Variants in TTN observed in about 807,000 individuals in gnomAD.
TTN encodes the protein connectin.
In TTN, 1,525 loss-of-function variants were observed where a neutral mutation model predicts 3,223.0. The ratio of observed to expected loss-of-function variants is 0.47; its 90% confidence interval spans 0.45 to 0.49. TTN has a LOEUF of 0.49. Ranked by LOEUF, TTN falls within the 20% of genes least tolerant of loss-of-function variation. The probability of loss-of-function intolerance (pLI) is 0.00; values close to 1 mark genes in which losing one functional copy is unlikely to be tolerated. For missense variants in TTN, 40,786 were observed against 43,424.0 expected (o/e 0.94, Z 5.40); for synonymous variants, 14,094 against 15,161.0 (o/e 0.93, Z 5.17).
chr2:178,646,054 T>G (rs766560429), intron 216 of TTN, 24 bp from the exon 217 acceptor site: 34 of 1,408,618 alleles, frequency 2.4e-5, no homozygotes, highest in Non-Finnish European at 3.2e-5. Flanking sequence ...TTCAGAGGTG[T>G]TAGTATATGT....
Position 178,570,928 on chromosome 2 carries a change from T to TA in TTN, c.75203dup (p.Thr25069AsnfsTer5). 1 of 1,613,586 alleles carries TA rather than the reference T, an allele frequency of 6.2e-7. No individual in the cohort carries two copies. Among genetic ancestry groups the TA allele is most frequent in the Non-Finnish European group, 8.5e-7 (1 of 1,179,618 alleles). On this transcript the variant is annotated frameshift_variant, in exon 326 of 363. Coordinates refer to ENST00000589042, the MANE Select transcript of TTN (RefSeq NM_001267550.2). LOFTEE classifies it high-confidence loss of function. Reference sequence around the variant, plus strand: ...ATCTGTGATCTTCAACTAGGCCAGTTACTTCAAAATGAGTGTCAATAATAT... The same window carrying TA: ...ATCTGTGATCTTCAACTAGGCCAGTTAACTTCAAAATGAGTGTCAATAATAT...
Position 178,594,134 on chromosome 2 carries a change from C to T in TTN, c.58259G>A (p.Trp19420Ter), listed in dbSNP as rs869025544. The change falls in exon 297 of 363, where the codon TGG becomes TAG. Residue 19420 changes from tryptophan to a stop codon, truncating the protein, a stop_gained. Transcript: ENST00000589042. LOFTEE classifies it high-confidence loss of function. ...CAGCACATCAGCTTCATCTTTGAAC[C>T]AGGAAACCTTAGGCTTTGGTTTGCC... The part of the protein sequence containing the change: ...YSGKPKPKVS[W>*]FKDEADVLED... 1 of 1,613,358 alleles carries T rather than the reference C, an allele frequency of 6.2e-7. No homozygotes were observed. The highest frequency in any genetic ancestry group is 8.5e-7 in the Non-Finnish European group (1 of 1,179,634).
chr2:178,528,717 T>C lies in TTN; in HGVS notation c.107034A>G (p.Ile35678Met). ...SHRDEGILTCISKTKEGIVKC... is the reference protein window; with the variant it reads ...SHRDEGILTCMSKTKEGIVKC... ...TGACGATTCCTTCCTTGGTTTTGCT[T>C]ATGCAGGTGAGGATTCCTTCATCTC... Residue 35678 changes from isoleucine (I) to methionine (M), a missense_variant, in exon 360 of 363, where the codon ATA becomes ATG. Physicochemically the swap from Ile to Met is conservative, Grantham distance 10 (BLOSUM62 1). Coordinates refer to ENST00000589042, the MANE Select transcript of TTN (RefSeq NM_001267550.2). The C allele has an allele frequency of 6.2e-7, 1 of 1,613,638 alleles. No homozygotes were observed. Among genetic ancestry groups the C allele is most frequent in the East Asian group, 2.2e-5 (1 of 44,872 alleles).
At chr2:178,727,988 T>C (rs1198200016) in intron 67 of TTN, 122 bp downstream of exon 67, 4 of 1,408,204 alleles carry the variant, frequency 2.8e-6, no homozygotes, top group African/African-American at 2.9e-5. Flanking sequence ...TTGAACACAA[T>C]GAATATGTAT....
chr2:178,779,074 T>A lies in TTN; in HGVS notation c.4008A>T (p.Arg1336Ser), dbSNP rs1449428038. The part of the protein sequence containing the change: ...KDGKRIKHGE[R>S]YQMDFLQDGR... ...CATCTTGTAGAAAGTCCATTTGGTA[T>A]CTTTCTCCATGTTTGATGCGCTTGC... The change falls in exon 24 of 363, where the codon AGA becomes AGT. Residue 1336 changes from arginine to serine, a missense_variant. Transcript: ENST00000589042. 1 of 1,613,990 alleles carries A rather than the reference T, an allele frequency of 6.2e-7. No homozygotes were observed. Among genetic ancestry groups the A allele is most frequent in the Non-Finnish European group, 8.5e-7 (1 of 1,179,948 alleles).
intron 6 of TTN, among the ~76,000 whole-genome samples, chr2:178,796,315 G>A (rs1423221615): frequency 6.6e-6 from 1 of 152,078 alleles, no homozygotes; most frequent in African/African-American, 2.4e-5. Flanking sequence ...ATAAGAAAAT[G>A]TTTATAAATG....
chr2:178,684,608 G>T, intron 131 of TTN, 58 bp downstream of exon 131: 1 of 1,539,320 alleles, frequency 6.5e-7, no homozygotes, highest in Non-Finnish European at 8.9e-7. Flanking sequence ...AACAGCAGCA[G>T]AGAGAAAGAA....
chr2:178,717,878 A>G lies in TTN; in HGVS notation c.25063+65T>C, dbSNP rs6750145. The G allele has an allele frequency of 0.17, 269,513 of 1,571,472 alleles. 26,184 individuals carry two copies. The highest frequency in any genetic ancestry group is 0.44 in the East Asian group (19,641 of 44,388). ...GCATCCACAACATATTTCAATTCAT[A>G]AAAGTTTTAACGTTTTTAAGAAAAT... On this transcript the variant is annotated intron_variant, in intron 86 of 362. Transcript: ENST00000589042.
chr2:178,570,485 C>T lies in TTN; in HGVS notation c.75647G>A (p.Gly25216Glu). ...GPPEGPVVIS[G>E]VTAEKCTLAW... ...TAGTGTGCATTTTTCTGCTGTAACT[C>T]CTGAGATAACAACAGGTCCTTCAGG... Residue 25216 changes from glycine to glutamate, a missense_variant, in exon 326 of 363, where the codon GGA (glycine) becomes GAA (glutamate). Physicochemically the swap from Gly to Glu is moderately conservative, Grantham distance 98. Transcript: ENST00000589042. 6.2e-7 allele frequency: 1 copy of T among 1,613,258 alleles called. No homozygotes were observed. Among genetic ancestry groups the T allele is most frequent in the Non-Finnish European group, 8.5e-7 (1 of 1,179,578 alleles).
chr2:178,746,954 T>C (rs1016605979), intron 47 of TTN: 12 of 1,613,450 alleles, frequency 7.4e-6, no homozygotes, highest in East Asian at 4.5e-5. Context: ...TGTAGGTGTG[T>C]AGAAATGCTC....
Position 178,663,285 on chromosome 2 carries a change from C to T in TTN, c.36681G>A (p.Pro12227=), listed in dbSNP as rs759305693. Residue 12227 remains proline, a synonymous_variant, in exon 173 of 363, where the codon CCG becomes CCA. Transcript: ENST00000589042. ...CATTACCTTCAGGGGGAGGACTTTC[C>T]GGTTTGGGAGGAATAGCTTCAGGCA... The part of the protein sequence containing the change: ...KKLPEAIPPK[P]ESPPPEVPEV... 8 of 1,563,280 alleles carry T rather than the reference C, an allele frequency of 5.1e-6. No homozygotes were observed. Among genetic ancestry groups the T allele is most frequent in the South Asian group, 2.4e-5 (2 of 82,908 alleles).
At chr2:178,791,935 T>C (rs2093525956) in intron 10 of TTN, 137 bp downstream of exon 10, 1 of 877,508 alleles carries the variant, frequency 1.1e-6, no homozygotes, top group African/African-American at 1.7e-5. Flanking sequence ...GTTTCAATAC[T>C]AGACATAGAG....
At chr2:178,678,629 T>C (rs1468122142) in intron 143 of TTN, 118 bp downstream of exon 143, 6 of 1,153,252 alleles carry the variant, frequency 5.2e-6, no homozygotes, top group Non-Finnish European at 6.0e-6. Flanking sequence ...ATTTTTAAAA[T>C]AAAATATTTA....
In TTN at chr2:178,676,008, C is replaced by A. The variant is rs1391671163; in HGVS notation, c.34379-13G>T. The A allele has an allele frequency of 6.3e-7, 1 of 1,584,876 alleles. No homozygotes were observed. The highest frequency in any genetic ancestry group is 1.3e-5 in the African/African-American group (1 of 74,262). The stretch of plus-strand genomic sequence containing the variant: ...TTAATTTCAGGCACTTTAAAGACAT[C>A]ATTTCATGATAAGGATTTATTTTGA... On this transcript the variant is annotated splice_polypyrimidine_tract_variant and intron_variant, in intron 147 of 362. Transcript: ENST00000589042.
chr2:178,771,437 G>A lies in TTN; in HGVS notation c.7890C>T (p.Thr2630=), dbSNP rs144247127. The part of the protein sequence containing the change: ...GAISKPLTDQ[T]VAESQEAVFE... ...ACACAGCTTCCTGGGATTCAGCTAC[G>A]GTCTGATCTGTGAGTGGCTTGGAGA... The change falls in exon 34 of 363, where the codon ACC becomes ACT. Residue 2630 remains threonine (T), a synonymous_variant. Transcript: ENST00000589042. 1.7e-5 allele frequency: 27 copies of A among 1,613,724 alleles called. No individual in the cohort carries two copies. Among genetic ancestry groups the A allele is most frequent in the Middle Eastern group, 1.6e-4 (1 of 6,078 alleles).
chr2:178,764,055 T>G, intron 43 of TTN, 122 bp downstream of exon 43: 1 of 1,435,968 alleles, frequency 7.0e-7, no homozygotes, highest in East Asian at 2.3e-5. Flanking sequence ...TTCTGTTAGA[T>G]TTCCATTAAG....
chr2:178,547,458 C>G lies in TTN; in HGVS notation c.94168G>C (p.Gly31390Arg). The stretch of plus-strand genomic sequence containing the variant: ...GCTGATTCTAGAGGTTTGCTGACAC[C>G]AAATCTGTTCTCTGAACTGACACGG... The part of the protein sequence containing the change: ...SFRVSSENRF[G>R]VSKPLESAPI... Residue 31390 changes from glycine to arginine, a missense_variant, in exon 339 of 363, where the codon GGT (glycine) becomes CGT (arginine). Transcript: ENST00000589042. 6.2e-7 allele frequency: 1 copy of G among 1,611,472 alleles called. No individual in the cohort carries two copies. The highest frequency in any genetic ancestry group is 1.3e-5 in the African/African-American group (1 of 75,006).
rs950504813 is a variant in TTN, at chr2:178,685,235, C to T, written c.32470+18G>A. 6 of 1,522,872 alleles carry T rather than the reference C, an allele frequency of 3.9e-6. No individual in the cohort carries two copies. In the African/African-American group the frequency reaches 7.0e-5, roughly 18 times the overall value. 94.3% of individuals were successfully genotyped at this position (1,522,872 alleles called of 1,614,324 possible). The stretch of plus-strand genomic sequence containing the variant: ...CATTAAAATAAATAGTGTTGCATTT[C>T]TTTGAAAGAAATCATACCTTTAGCC... On this transcript the variant is annotated intron_variant, in intron 129 of 362. Coordinates refer to ENST00000589042, the MANE Select transcript of TTN (RefSeq NM_001267550.2).
rs72648267 is a variant in TTN at position 178,542,462 on chromosome 2, G to A, written c.97294C>T (p.Leu32432=). The A allele has an allele frequency of 6.2e-6, 10 of 1,613,584 alleles. No homozygotes were observed. Among genetic ancestry groups the A allele is most frequent in the Non-Finnish European group, 8.5e-6 (10 of 1,179,738 alleles). The change falls in exon 349 of 363, where the codon CTG becomes TTG. Residue 32432 remains leucine, a synonymous_variant. Transcript: ENST00000589042. Reference sequence around the variant, plus strand: ...CGTTGTTCTACCACATAACCACTCAGTGGAGCACCACCGTCCAATTCAGGT... The same window carrying A: ...CGTTGTTCTACCACATAACCACTCAATGGAGCACCACCGTCCAATTCAGGT... ...EPPELDGGAP[L]SGYVVEQRDA... is the part of the protein sequence containing the mutation.
Sources: gnomAD v4.1 joint callset for allele counts (sites outside exome capture counted in the v4.1 genomes callset) on GRCh38, gnomAD v4.1.1 for gene constraint, MANE v1.5 for transcripts, NCBI Gene and HGNC (gene_info 2026-07-23, HGNC 2026-07-21) for gene names.